Variants in GPLD1 observed in about 807,000 individuals in gnomAD.
GPLD1 encodes the protein glycosylphosphatidylinositol specific phospholipase D1.
In GPLD1, 84 loss-of-function variants were observed where a neutral mutation model predicts 112.6. The observed-to-expected ratio is 0.75, with a 90% CI of 0.63 to 0.89. The LOEUF is 0.89. Ranked by LOEUF, GPLD1 falls within the 40% of genes least tolerant of loss-of-function variation. The pLI, the probability that GPLD1 is intolerant of heterozygous loss-of-function variation, is 0.00. For synonymous variants in GPLD1, 386 were observed against 403.8 expected, an observed-to-expected ratio of 0.96 and a Z score of 0.53; for missense variants, 1,044 against 1,051.5, an observed-to-expected ratio of 0.99 and a Z score of 0.10.
At chr6:24,454,729 C>T (rs1228712591) in intron 13 of GPLD1, among the ~76,000 whole-genome samples, 1 of 152,224 alleles carries the variant, frequency 6.6e-6, no homozygotes, top group African/African-American at 2.4e-5. Flanking sequence ...TTCCAAGAGC[C>T]ACCAGTTACA....
At chr6:24,483,858 C>T (rs1411842364) in intron 2 of GPLD1, among the ~76,000 whole-genome samples, 1 of 151,730 alleles carries the variant, frequency 6.6e-6, no homozygotes, top group African/African-American at 2.4e-5. Flanking sequence ...ATTCTCCTGC[C>T]TCAGCCTTCC....
At chr6:24,460,515 G>A (rs548081769) in intron 11 of GPLD1, 116 bp from the exon 12 acceptor site, 46 of 1,045,096 alleles carry the variant, frequency 4.4e-5, no homozygotes, top group Middle Eastern at 3.3e-4. Context: ...AAATTTTAAC[G>A]TCAGAAGGCT....
intron 10 of GPLD1, among the ~76,000 whole-genome samples, chr6:24,464,836 A>G (rs1341703578): frequency 3.3e-5 from 5 of 152,126 alleles, no homozygotes; most frequent in African/African-American, 1.2e-4. Flanking sequence ...AGCCACACCC[A>G]CATCTCAACC....
intron 2 of GPLD1, among the ~76,000 whole-genome samples, chr6:24,483,810 C>T (rs1258923052): frequency 2.0e-5 from 3 of 151,914 alleles, no homozygotes; most frequent in Non-Finnish European, 4.4e-5. Flanking sequence ...GTGGTGTGAT[C>T]TTGGCTCACT....
intron 6 of GPLD1, chr6:24,473,134 G>A (rs573593121): frequency 6.9e-6 from 1 of 145,146 alleles, no homozygotes; most frequent in East Asian, 2.0e-4. Flanking sequence ...CTTAGTTAGT[G>A]AAACATATAA....
At chr6:24,455,022 T>C (rs1231186482) in intron 13 of GPLD1, among the ~76,000 whole-genome samples, 1 of 152,120 alleles carries the variant, frequency 6.6e-6, no homozygotes, top group Non-Finnish European at 1.5e-5. Flanking sequence ...CCAGCTACTT[T>C]GGAGGCTGAG....
chr6:24,462,823 A>G, intron 10 of GPLD1, 28 bp from the exon 11 acceptor site: 1 of 1,502,788 alleles, frequency 6.7e-7, no homozygotes, highest in Non-Finnish European at 9.3e-7. Context: ...TGAGTTAGCC[A>G]TTTATCTACT....
Position 24,428,799 on chromosome 6 carries a change from AT to A in GPLD1, c.*232del. 2.6e-6 allele frequency: 1 copy of A among 386,124 alleles called. No individual in the cohort carries two copies. The highest frequency in any genetic ancestry group is 4.6e-6 in the Non-Finnish European group (1 of 216,844). The allele number at this position is 386,124 out of a possible 1,614,324, so 23.9% of individuals were successfully genotyped here. ...GAGGAAGTAAACTGTGGAAGGAGAC[AT>A]GAGTAAGCAGAATGTCTGCTATTTC... On this transcript the variant is annotated 3_prime_UTR_variant, in exon 25 of 25. Transcript: ENST00000230036.
chr6:24,480,553 G>A (rs534011707), intron 2 of GPLD1, among the ~76,000 whole-genome samples: 3 of 152,292 alleles, frequency 2.0e-5, no homozygotes, highest in East Asian at 1.9e-4. Flanking sequence ...ACACACAAAC[G>A]CACGTACGCA....
chr6:24,495,240 G>A (rs1300964978), upstream of GPLD1: 10 of 1,524,564 alleles, frequency 6.6e-6, no homozygotes, highest in Non-Finnish European at 7.9e-6. Flanking sequence ...GCAAGACCCG[G>A]CCAGCGGCGC....
chr6:24,475,352 C>A lies in GPLD1; in HGVS notation c.331-121G>T, dbSNP rs543840260. 20 of 640,226 alleles carry A rather than the reference C, an allele frequency of 3.1e-5. No individual in the cohort carries two copies. In the Admixed American group the frequency reaches 3.5e-4, roughly 11 times the overall value. The allele number at this position is 640,226 out of a possible 1,614,324, so 39.7% of individuals were successfully genotyped here. A position where few individuals can be genotyped will look rare whatever the true frequency, so the allele number is the denominator to read the frequency against. Reference sequence around the variant, plus strand: ...CTGAGACCTAACAAAAAATTTCAGGCAAGTAAATTGCAGTTTCTAGTTATT... The same window carrying A: ...CTGAGACCTAACAAAAAATTTCAGGAAAGTAAATTGCAGTTTCTAGTTATT... On this transcript the variant is annotated intron_variant, in intron 4 of 24. Transcript: ENST00000230036.
intron 20 of GPLD1, 23 bp downstream of exon 20, chr6:24,445,519 AGCAC>A: frequency 6.7e-7 from 1 of 1,488,234 alleles, no homozygotes; most frequent in South Asian, 1.1e-5. Context: ...ACTGAAAGGA[AGCAC>A]AGTTTCACAG....
In GPLD1 at chr6:24,460,377, A is replaced by C. The variant is rs1021219032; in HGVS notation, c.910T>G (p.Phe304Val). 9 of 1,613,750 alleles carry C rather than the reference A, an allele frequency of 5.6e-6. No individual in the cohort carries two copies. Among genetic ancestry groups the C allele is most frequent in the Non-Finnish European group, 5.1e-6 (6 of 1,179,860 alleles). Residue 304 changes from phenylalanine (F) to valine (V), a missense_variant, in exon 12 of 25, where the codon TTT becomes GTT. Phe to Val is a conservative substitution (Grantham distance 50). Transcript: ENST00000230036. ...TQGSKMQKNDFHRNLTTSLTE... is the reference protein window; with the variant it reads ...TQGSKMQKNDVHRNLTTSLTE... ...AGGGATGTAGTCAAATTTCTGTGAA[A>C]ATCATTTTTCTGCATTTTTGAGCTG...
intron 14 of GPLD1, among the ~76,000 whole-genome samples, chr6:24,452,831 A>G (rs1338807893): frequency 2.0e-5 from 3 of 151,448 alleles, no homozygotes; most frequent in African/African-American, 7.3e-5. Context: ...TCTTCACAGG[A>G]TTCACTTCAC....
At chr6:24,472,934 C>G (rs2817257) in intron 6 of GPLD1, 72,022 of 238,570 alleles carry the variant, frequency 0.3, 11,408 homozygotes, top group Non-Finnish European at 0.34. Context: ...CGCCACCACG[C>G]CCAGCTAATT....
intron 14 of GPLD1, among the ~76,000 whole-genome samples, chr6:24,452,563 G>T (rs1052636727): frequency 1.3e-5 from 2 of 152,238 alleles, no homozygotes; most frequent in Non-Finnish European, 1.5e-5. Flanking sequence ...ACCACCTGAG[G>T]TCAAGAGTTC....
Position 24,489,444 on chromosome 6 carries a change from G to A in GPLD1, c.68C>T (p.Pro23Leu), listed in dbSNP as rs969180395. The A allele has an allele frequency of 3.1e-6, 5 of 1,613,124 alleles. No homozygotes were observed. Among genetic ancestry groups the A allele is most frequent in the Middle Eastern group, 1.7e-4 (1 of 6,060 alleles). Residue 23 changes from proline to leucine, a missense_variant, in exon 1 of 25, where the codon CCG becomes CTG. By Grantham distance (98) the Pro-to-Leu change is moderately conservative (BLOSUM62 -3). Coordinates refer to ENST00000230036, the MANE Select transcript of GPLD1 (RefSeq NM_001503.4). ...TTCTACGTGTGTTGAAAGGCCACAC[G>A]GTGAACCTCTATGGCAGAGAGAACC... Reference protein sequence around the residue: ...MLGSLCHRGSPCGLSTHVEIG... With the variant: ...MLGSLCHRGSLCGLSTHVEIG...
intron 21 of GPLD1, 21 bp downstream of exon 21, chr6:24,437,092 A>AGGG: frequency 6.2e-7 from 1 of 1,608,016 alleles, no homozygotes; most frequent in Non-Finnish European, 8.5e-7. Context: ...TTCTTGTCAA[A>AGGG]GGGTCCTGTT....
rs373179328 is a variant in GPLD1 at position 24,476,239 on chromosome 6, G to T, written c.272C>A (p.Pro91Gln). Reference sequence around the variant, plus strand: ...ATAATGAACGCTTGCATTAAGAAACGGAGTCCAGTGAGTGCTCTCAGACAC... The same window carrying T: ...ATAATGAACGCTTGCATTAAGAAACTGAGTCCAGTGAGTGCTCTCAGACAC... The part of the protein sequence containing the change: ...HDVSESTHWT[P>Q]FLNASVHYIR... The change falls in exon 4 of 25, where the codon CCG becomes CAG. Residue 91 changes from proline to glutamine, a missense_variant. Physicochemically the swap from Pro to Gln is moderately conservative, Grantham distance 76. Transcript: ENST00000230036. 2.9e-5 allele frequency: 45 copies of T among 1,572,862 alleles called. No individual in the cohort carries two copies. Among genetic ancestry groups the T allele is most frequent in the Non-Finnish European group, 3.8e-5 (44 of 1,153,956 alleles).
Sources: allele counts gnomAD v4.1 joint callset (sites outside exome capture counted in the v4.1 genomes callset), GRCh38; gene constraint gnomAD v4.1.1; transcripts MANE v1.5; gene names NCBI Gene and HGNC (gene_info 2026-07-23, HGNC 2026-07-21).